The following DCDC2 variants were observed in gnomAD, a reference collection of about 807,000 sequenced individuals.
DCDC2 encodes the protein doublecortin domain-containing protein 2.
Under a neutral mutation model 50.2 loss-of-function variants are expected in DCDC2, and 40 were observed. The observed-to-expected ratio is 0.80, with a 90% CI of 0.62 to 1.04. DCDC2 has a LOEUF of 1.04. Among genes scored for constraint, DCDC2 ranks in the 50% least tolerant of loss-of-function variants. The pLI, the probability that DCDC2 is intolerant of heterozygous loss-of-function variation, is 0.00. For synonymous variants in DCDC2, 234 were observed against 210.6 expected (o/e 1.11, Z -0.96); for missense variants, 570 against 581.9 (o/e 0.98, Z 0.21).
chr6:24,193,890 A>G (rs891693524), intron 8 of DCDC2, among the ~76,000 whole-genome samples: 1 of 152,270 alleles, frequency 6.6e-6, no homozygotes, highest in East Asian at 1.9e-4. Flanking sequence ...ATGTTAATAA[A>G]TCAAAACAAA....
At chr6:24,310,889 C>T (rs902658288) in intron 2 of DCDC2, among the ~76,000 whole-genome samples, 1 of 152,126 alleles carries the variant, frequency 6.6e-6, no homozygotes, top group Middle Eastern at 3.4e-3. Flanking sequence ...CAGAGCTCTC[C>T]CCACTCAAAA....
chr6:24,313,605 C>A (rs1037026349), intron 2 of DCDC2, among the ~76,000 whole-genome samples: 23 of 152,158 alleles, frequency 1.5e-4, no homozygotes, highest in African/African-American at 5.1e-4. Context: ...TAAAAGTGAG[C>A]AATGCTGAGT....
intron 7 of DCDC2, among the ~76,000 whole-genome samples, chr6:24,205,532 C>T (rs4535539): frequency 0.82 from 125,489 of 152,166 alleles, 52,109 homozygotes; most frequent in East Asian, 0.95. Flanking sequence ...TTCAATATAA[C>T]GTATTGGAAT....
chr6:24,248,057 C>T lies in DCDC2; in HGVS notation c.922+29992G>A, dbSNP rs146801080. 2.0e-5 allele frequency among the ~76,000 whole-genome samples: 3 copies of T among 152,116 alleles called. No individual in the cohort carries two copies. In the South Asian group the frequency reaches 6.2e-4, roughly 32 times the overall value. On this transcript the variant is annotated intron_variant, in intron 7 of 9. Coordinates refer to ENST00000378454, the MANE Select transcript of DCDC2 (RefSeq NM_016356.5). ...CACCATTGCACTCCAGCCTGGGCAA[C>T]AAGAACAAAACTCCATCTCAAAAAT...
the DCDC2 span, chr6:24,365,813 TG>T: frequency 6.6e-6 from 1 of 151,288 alleles, no homozygotes; most frequent in Non-Finnish European, 1.5e-5. Context: ...TTGTTGTTTT[TG>T]TTGTTGTTGT....
chr6:24,177,251 A>G (rs1480400594), intron 9 of DCDC2, among the ~76,000 whole-genome samples: 1 of 152,240 alleles, frequency 6.6e-6, no homozygotes, highest in Non-Finnish European at 1.5e-5. Flanking sequence ...TTGAGAAAAG[A>G]TAAGAGACAT....
chr6:24,220,895 C>CGAGCGAGAGAGTGAGT (rs1762097683), intron 7 of DCDC2, among the ~76,000 whole-genome samples: 8 of 117,152 alleles, frequency 6.8e-5, no homozygotes, highest in African/African-American at 2.0e-4. Flanking sequence ...AGAGAGTGAG[C>CGAGCGAGAGAGTGAGT]GAGCGAGCGA....
At chr6:24,246,873 C>A (rs978691179) in intron 7 of DCDC2, among the ~76,000 whole-genome samples, 5 of 152,104 alleles carry the variant, frequency 3.3e-5, no homozygotes, top group Admixed American at 3.3e-4. Context: ...TATCCACATA[C>A]GAGCTTCCTC....
At chr6:24,349,864 G>A (rs1045101582) in intron 2 of DCDC2, among the ~76,000 whole-genome samples, 1 of 152,120 alleles carries the variant, frequency 6.6e-6, no homozygotes, top group Non-Finnish European at 1.5e-5. Context: ...GCAGGACCTG[G>A]GTGTAGAGAG....
chr6:24,229,877 C>A (rs1481842425), intron 7 of DCDC2, among the ~76,000 whole-genome samples: 1 of 151,746 alleles, frequency 6.6e-6, no homozygotes, highest in Non-Finnish European at 1.5e-5. Context: ...GGGTGCCTAT[C>A]CCAAACTCCC....
At chr6:24,318,711 C>T (rs1412848848) in intron 2 of DCDC2, among the ~76,000 whole-genome samples, 1 of 151,894 alleles carries the variant, frequency 6.6e-6, no homozygotes, top group African/African-American at 2.4e-5. Context: ...CCAGTTCCAT[C>T]CATGTTGCGG....
At chr6:24,289,139 A>T (rs1185026187) in intron 5 of DCDC2, among the ~76,000 whole-genome samples, 1 of 152,256 alleles carries the variant, frequency 6.6e-6, no homozygotes, top group Non-Finnish European at 1.5e-5. Context: ...ATCAATGCTT[A>T]CAAGTAAACT....
At chr6:24,350,495 C>A (rs1760348519) in intron 2 of DCDC2, among the ~76,000 whole-genome samples, 1 of 152,156 alleles carries the variant, frequency 6.6e-6, no homozygotes, top group Non-Finnish European at 1.5e-5. Flanking sequence ...ACCAGAAAAA[C>A]TGAATTGTGT....
At chr6:24,315,623 T>G (rs1295689857) in intron 2 of DCDC2, among the ~76,000 whole-genome samples, 1 of 151,948 alleles carries the variant, frequency 6.6e-6, no homozygotes, top group East Asian at 1.9e-4. Context: ...GGGTTAGTGA[T>G]ACACAAAAAA....
intron 2 of DCDC2, among the ~76,000 whole-genome samples, chr6:24,347,429 A>G (rs1760285828): frequency 6.6e-6 from 1 of 152,222 alleles, no homozygotes; most frequent in Non-Finnish European, 1.5e-5. Context: ...TTCTGCACCC[A>G]CAGATTCAAC....
intron 2 of DCDC2, among the ~76,000 whole-genome samples, chr6:24,326,416 TA>T (rs2113855280): frequency 6.7e-6 from 1 of 149,100 alleles, no homozygotes; most frequent in South Asian, 2.3e-4. Flanking sequence ...TAAAATTTAC[TA>T]TAGATGATCC....
At chr6:24,298,037 G>A (rs1759289055) in intron 4 of DCDC2, among the ~76,000 whole-genome samples, 1 of 152,242 alleles carries the variant, frequency 6.6e-6, no homozygotes, top group African/African-American at 2.4e-5. Context: ...ACCAGGAACT[G>A]GTTTTGCGGA....
intron 6 of DCDC2, among the ~76,000 whole-genome samples, chr6:24,286,851 T>G (rs1440202010): frequency 1.3e-5 from 2 of 152,190 alleles, no homozygotes; most frequent in Non-Finnish European, 1.5e-5. Flanking sequence ...ATTAACCCCT[T>G]GTATCCAATC....
upstream of DCDC2, among the ~76,000 whole-genome samples, chr6:24,359,560 AT>A (rs1760623918): frequency 8.8e-6 from 1 of 114,118 alleles, no homozygotes; most frequent in African/African-American, 3.4e-5. Flanking sequence ...TATATTATAT[AT>A]TTTTATATAT....
Sources: gnomAD v4.1 joint callset for allele counts (sites outside exome capture counted in the v4.1 genomes callset) on GRCh38, gnomAD v4.1.1 for gene constraint, MANE v1.5 for transcripts, NCBI Gene and HGNC (gene_info 2026-07-23, HGNC 2026-07-21) for gene names.